ULK4: variants seen among roughly 807,000 people sequenced by gnomAD.
ULK4 encodes the protein inactive serine/threonine-protein kinase ULK4.
Under a neutral mutation model 160.6 loss-of-function variants are expected in ULK4, and 133 were observed. The ratio of observed to expected loss-of-function variants is 0.83; its 90% CI spans 0.72 to 0.96. ULK4 has a LOEUF of 0.96. Ranked by LOEUF, ULK4 falls within the 40% of genes least tolerant of loss-of-function variation. The probability of loss-of-function intolerance (pLI) is 0.00; values close to 1 mark genes in which losing one functional copy is unlikely to be tolerated. For missense variants in ULK4, 1,580 were observed against 1,499.5 expected, an observed-to-expected ratio of 1.05 and a Z score of -0.89; for synonymous variants, 534 against 539.8, an observed-to-expected ratio of 0.99 and a Z score of 0.15.
intron 35 of ULK4, among the ~76,000 whole-genome samples, chr3:41,379,204 A>T (rs1010092984): frequency 2.8e-4 from 30 of 105,422 alleles, no homozygotes; most frequent in South Asian, 8.1e-4. Flanking sequence ...TAAAGTATTT[A>T]AAAAAAAAAT....
At chr3:41,433,782 C>T (rs1817924) in intron 34 of ULK4, among the ~76,000 whole-genome samples, 40,407 of 152,042 alleles carry the variant, frequency 0.27, 5,618 homozygotes, top group East Asian at 0.57. Context: ...TGCAATGGCG[C>T]GATCCAGGCT....
intron 22 of ULK4, among the ~76,000 whole-genome samples, chr3:41,723,527 C>T (rs2037547170): frequency 6.6e-6 from 1 of 152,012 alleles, no homozygotes; most frequent in African/African-American, 2.4e-5. Flanking sequence ...TTGTCTGGTA[C>T]TATTTATTGA....
intron 2 of ULK4, among the ~76,000 whole-genome samples, chr3:41,950,939 T>TG (rs930322633): frequency 2.0e-5 from 3 of 151,504 alleles, no homozygotes; most frequent in African/African-American, 7.3e-5. Flanking sequence ...GGTCAGGAGA[T>TG]GGAGACCATC....
At chr3:41,251,242 C>G (rs2125668012) in intron 35 of ULK4, 1 of 152,324 alleles carries the variant, frequency 6.6e-6, no homozygotes, top group African/African-American at 2.4e-5. Flanking sequence ...CAATTGAAAA[C>G]TACGTGGTTT....
At chr3:41,605,638 A>G (rs2032342348) in intron 31 of ULK4, among the ~76,000 whole-genome samples, 1 of 151,982 alleles carries the variant, frequency 6.6e-6, no homozygotes, top group Admixed American at 6.6e-5. Context: ...AATAGTCAAA[A>G]CCACACTTAC....
At chr3:41,952,823 T>TA (rs1230427855) in intron 2 of ULK4, among the ~76,000 whole-genome samples, 1 of 152,222 alleles carries the variant, frequency 6.6e-6, no homozygotes, top group Non-Finnish European at 1.5e-5. Context: ...TGTCCACTGT[T>TA]ACATAAATAA....
intron 32 of ULK4, among the ~76,000 whole-genome samples, chr3:41,550,779 T>C (rs538950033): frequency 6.6e-6 from 1 of 152,150 alleles, no homozygotes; most frequent in South Asian, 2.1e-4. Flanking sequence ...TTTTAGATCA[T>C]ATGGACCTAA....
chr3:41,754,930 T>A (rs1169069780), intron 21 of ULK4, among the ~76,000 whole-genome samples: 1 of 152,152 alleles, frequency 6.6e-6, no homozygotes, highest in Non-Finnish European at 1.5e-5. Flanking sequence ...AGTCTACACA[T>A]CTGAGGGCTT....
intron 17 of ULK4, among the ~76,000 whole-genome samples, chr3:41,866,406 G>C (rs2125689011): frequency 6.6e-6 from 1 of 152,338 alleles, no homozygotes; most frequent in East Asian, 1.9e-4. Context: ...CAGGGTTAGG[G>C]GGATGGTTTT....
At chr3:41,257,990 T>C (rs1239303301) in intron 35 of ULK4, among the ~76,000 whole-genome samples, 1 of 152,206 alleles carries the variant, frequency 6.6e-6, no homozygotes, top group Non-Finnish European at 1.5e-5. Flanking sequence ...CCATTTTCTA[T>C]AGCTGGTAAT....
rs778352903 is a variant in ULK4, at chr3:41,531,435, C to T, written c.3226+34590G>A. On this transcript the variant is annotated intron_variant, in intron 32 of 36. Coordinates refer to ENST00000301831, the MANE Select transcript of ULK4 (RefSeq NM_017886.4). ...CAGCCTAGGTGACAGAGCAAGACTC[C>T]GTCTCAAAAAGAGGGGAGGGGAGGG... Among the ~76,000 whole-genome samples the T allele has an allele frequency of 1.2e-3, 113 of 93,520 alleles. No individual in the cohort carries two copies. The Middle Eastern group carries it at 0.032, about 26-fold the overall frequency. 61.4% of individuals were successfully genotyped at this position (93,520 alleles called of 152,430 possible).
chr3:41,886,647 C>A (rs1448717670), intron 16 of ULK4, among the ~76,000 whole-genome samples: 1 of 151,544 alleles, frequency 6.6e-6, no homozygotes, highest in Non-Finnish European at 1.5e-5. Context: ...ACAATCTCAG[C>A]TCACTGCACC....
intron 35 of ULK4, among the ~76,000 whole-genome samples, chr3:41,355,491 A>G (rs1426931550): frequency 6.6e-6 from 1 of 152,222 alleles, no homozygotes; most frequent in Admixed American, 6.5e-5. Context: ...TGGGATAGAA[A>G]GTCTTCAGGG....
At chr3:41,901,201 G>T (rs188005881) in intron 12 of ULK4, among the ~76,000 whole-genome samples, 6,882 of 107,760 alleles carry the variant, frequency 0.064, 342 homozygotes, top group East Asian at 0.16. Flanking sequence ...TTTTTTTGAG[G>T]CGGAGTCTCG....
At chr3:41,351,652 GC>G (rs773706401) in intron 35 of ULK4, among the ~76,000 whole-genome samples, 1 of 152,196 alleles carries the variant, frequency 6.6e-6, no homozygotes, top group East Asian at 1.9e-4. Flanking sequence ...TAAAGATGAG[GC>G]TTTCTCCTTG....
chr3:41,497,762 G>C (rs1205911593), intron 32 of ULK4, among the ~76,000 whole-genome samples: 1 of 152,124 alleles, frequency 6.6e-6, no homozygotes, highest in Non-Finnish European at 1.5e-5. Context: ...CATGCCTGTA[G>C]TCTCACCTAC....
intron 33 of ULK4, among the ~76,000 whole-genome samples, chr3:41,456,744 A>T (rs1213077698): frequency 6.6e-6 from 1 of 152,194 alleles, no homozygotes; most frequent in Non-Finnish European, 1.5e-5. Flanking sequence ...ACCACTTTTC[A>T]ATAATGACCT....
At chr3:41,451,274 C>T (rs1208571096) in intron 34 of ULK4, among the ~76,000 whole-genome samples, 2 of 151,784 alleles carry the variant, frequency 1.3e-5, no homozygotes, top group African/African-American at 4.8e-5. Flanking sequence ...CTTACAAACA[C>T]AAGGGAGGAT....
intron 30 of ULK4, among the ~76,000 whole-genome samples, chr3:41,648,428 C>T (rs2034602734): frequency 6.6e-6 from 1 of 152,094 alleles, no homozygotes; most frequent in Non-Finnish European, 1.5e-5. Flanking sequence ...ATTATGTAAA[C>T]AATAACAAGG....
Sources: gnomAD v4.1 joint callset for allele counts (sites outside exome capture counted in the v4.1 genomes callset) on GRCh38, gnomAD v4.1.1 for gene constraint, MANE v1.5 for transcripts, NCBI Gene and HGNC (gene_info 2026-07-23, HGNC 2026-07-21) for gene names.